PDIA4: variants seen among roughly 807,000 people sequenced by gnomAD.
The protein encoded by PDIA4 is protein disulfide isomerase family A member 4.
A neutral mutation model predicts 62.1 loss-of-function variants in PDIA4; 33 were observed. That is an observed-to-expected ratio of 0.53 (90% confidence interval 0.40 to 0.71). The LOEUF (loss-of-function observed/expected upper bound fraction) is 0.71. Among genes scored for constraint, PDIA4 ranks in the 30% least tolerant of loss-of-function variants. The pLI is 0.00. For missense variants in PDIA4, 804 were observed against 813.6 expected, an observed-to-expected ratio of 0.99 and a Z score of 0.14; for synonymous variants, 341 against 324.1, an observed-to-expected ratio of 1.05 and a Z score of -0.56.
At chr7:149,025,843 T>C (rs1010380030) in intron 1 of PDIA4, among the ~76,000 whole-genome samples, 10 of 152,152 alleles carry the variant, frequency 6.6e-5, no homozygotes, top group African/African-American at 2.2e-4. Context: ...CTACTTACTT[T>C]TAAATCTAAA....
chr7:149,025,085 A>AATATATATATATATATATATAT (rs869119727), intron 1 of PDIA4, among the ~76,000 whole-genome samples: 1 of 22,358 alleles, frequency 4.5e-5, no homozygotes, highest in African/African-American at 6.0e-5. Context: ...AAAAAAAAAA[A>AATATATATATATATATATATAT]ATATATATAT....
chr7:149,008,532 G>A (rs1823839258), intron 6 of PDIA4, among the ~76,000 whole-genome samples: 1 of 151,816 alleles, frequency 6.6e-6, no homozygotes, highest in African/African-American at 2.4e-5. Flanking sequence ...GTGAATCCCT[G>A]TCTCTACTAA....
intron 3 of PDIA4, among the ~76,000 whole-genome samples, chr7:149,017,054 C>T (rs912250843): frequency 1.2e-4 from 18 of 152,198 alleles, no homozygotes; most frequent in African/African-American, 4.3e-4. Context: ...TTACATCCAA[C>T]TGACACCATG....
chr7:149,006,096 C>T (rs1823749456), intron 7 of PDIA4, 43 bp from the exon 8 acceptor site: 1 of 1,527,268 alleles, frequency 6.5e-7, no homozygotes, highest in Non-Finnish European at 8.7e-7. Flanking sequence ...ACCATCTCCC[C>T]ACCATTGTTC....
At chr7:149,009,998 CAT>C (rs1823890749) in intron 6 of PDIA4, among the ~76,000 whole-genome samples, 1 of 152,164 alleles carries the variant, frequency 6.6e-6, no homozygotes, top group East Asian at 1.9e-4. Context: ...TTATAGGACA[CAT>C]GTGGCTGAGA....
At chr7:149,006,088 C>G (rs1173417842) in intron 7 of PDIA4, 35 bp from the exon 8 acceptor site, 1 of 1,531,300 alleles carries the variant, frequency 6.5e-7, no homozygotes, top group African/African-American at 1.4e-5. Flanking sequence ...GGGGGCCCAC[C>G]ATCTCCCCAC....
chr7:149,019,030 C>G lies in PDIA4; in HGVS notation c.437G>C (p.Gly146Ala), dbSNP rs1312673362. The G allele has an allele frequency of 6.2e-7, 1 of 1,613,558 alleles. No homozygotes were observed. The highest frequency in any genetic ancestry group is 8.5e-7 in the Non-Finnish European group (1 of 1,179,942). The stretch of plus-strand genomic sequence containing the variant: ...GGAGCCCTCGTAGTCTACAGCCTGC[C>G]CCTTCTTAAGGATCTTGATGGTGGG... ...GYPTIKILKK[G>A]QAVDYEGSRT... Residue 146 changes from glycine (G) to alanine (A), a missense_variant, in exon 3 of 10, where the codon GGG (glycine) becomes GCG (alanine). Physicochemically the swap from Gly to Ala is moderately conservative, Grantham distance 60 (BLOSUM62 0). Coordinates refer to ENST00000652332, the MANE Select transcript of PDIA4 (RefSeq NM_004911.5).
Position 149,005,170 on chromosome 7 carries a change from A to C in PDIA4, c.1493T>G (p.Leu498Arg), listed in dbSNP as rs1823701256. Residue 498 changes from leucine to arginine, a missense_variant, in exon 9 of 10, where the codon CTC (leucine) becomes CGC (arginine). Physicochemically the swap from Leu to Arg is moderately radical, Grantham distance 102. Coordinates refer to ENST00000652332, the MANE Select transcript of PDIA4 (RefSeq NM_004911.5). ...TTTGAAAGCAGTGACAAACTCGCGG[A>C]GGGTGTCAGAGTCAAACTCCTCTGG... ...MEPEEFDSDT[L>R]REFVTAFKKG... The C allele has an allele frequency of 1.2e-6, 2 of 1,613,888 alleles. No individual in the cohort carries two copies. Among genetic ancestry groups the C allele is most frequent in the Non-Finnish European group, 1.7e-6 (2 of 1,179,832 alleles).
chr7:149,007,489 C>A (rs1823802773), intron 7 of PDIA4, among the ~76,000 whole-genome samples: 1 of 152,182 alleles, frequency 6.6e-6, no homozygotes, highest in South Asian at 2.1e-4. Context: ...CTCTGTTAAA[C>A]CAAAGCTTCA....
In PDIA4 at chr7:149,027,952, T is replaced by A. The variant is rs147432154; in HGVS notation, c.88+369A>T. The A allele has an allele frequency of 4.6e-5, 23 of 504,350 alleles. No homozygotes were observed. The East Asian group carries it at 1.3e-3, about 29-fold the overall frequency. The allele number at this position is 504,350 out of a possible 1,614,324, so 31.2% of individuals were successfully genotyped here. On this transcript the variant is annotated intron_variant, in intron 1 of 9. Transcript: ENST00000652332. ...GCTCTCCCTCTCCCTTCCCACTGCC[T>A]GGGCGCGTTCGCCTGGAGTTAGCCT...
At chr7:149,015,115 A>T in intron 3 of PDIA4, 73 bp from the exon 4 acceptor site, 1 of 1,487,974 alleles carries the variant, frequency 6.7e-7, no homozygotes, top group Non-Finnish European at 9.3e-7. Flanking sequence ...CCAGAAGCAG[A>T]TGAGGAGGGG....
At chr7:149,014,867 G>C in intron 4 of PDIA4, 37 bp downstream of exon 4, 1 of 1,608,278 alleles carries the variant, frequency 6.2e-7, no homozygotes, top group Non-Finnish European at 8.5e-7. Context: ...GTGCCCACCA[G>C]GGTACTGAAT....
At chr7:149,015,156 C>T in intron 3 of PDIA4, 114 bp from the exon 4 acceptor site, 1 of 1,048,792 alleles carries the variant, frequency 9.5e-7, no homozygotes. Context: ...CCCACAAGAA[C>T]AGGAGGTGTC....
At chr7:149,015,292 A>C (rs1184768050) in intron 3 of PDIA4, among the ~76,000 whole-genome samples, 1 of 152,144 alleles carries the variant, frequency 6.6e-6, no homozygotes, top group African/African-American at 2.4e-5. Context: ...AGAGGGCCTA[A>C]GACTTACTGA....
rs1823655696 is a variant in PDIA4 at position 149,004,126 on chromosome 7, C to A, written c.1606G>T (p.Asp536Tyr). Residue 536 changes from aspartate (D) to tyrosine (Y), a missense_variant, in exon 10 of 10, where the codon GAC becomes TAC. Asp to Tyr is a radical substitution (Grantham distance 160, BLOSUM62 -3). Coordinates refer to ENST00000652332, the MANE Select transcript of PDIA4 (RefSeq NM_004911.5). ...PVKVVVGKTFDSIVMDPKKDV... is the reference protein window; with the variant it reads ...PVKVVVGKTFYSIVMDPKKDV... The stretch of plus-strand genomic sequence containing the variant: ...TTCTTGGGGTCCATCACAATGGAGT[C>A]AAAGGTCTTTCCCACCACGACCTTG... 3 of 1,614,008 alleles carry A rather than the reference C, an allele frequency of 1.9e-6. No homozygotes were observed. Among genetic ancestry groups the A allele is most frequent in the Non-Finnish European group, 2.5e-6 (3 of 1,179,994 alleles).
intron 1 of PDIA4, 39 bp downstream of exon 1, chr7:149,028,282 C>G (rs1489717004): frequency 7.6e-6 from 11 of 1,452,678 alleles, no homozygotes; most frequent in African/African-American, 2.9e-5. Flanking sequence ...CTGCAGCCCC[C>G]GCAAGCACAG....
In PDIA4 at chr7:149,015,083, C is replaced by A. The variant is rs772191166; in HGVS notation, c.476-41G>T. On this transcript the variant is annotated intron_variant, in intron 3 of 9. Coordinates refer to ENST00000652332, the MANE Select transcript of PDIA4 (RefSeq NM_004911.5). ...CAAGACTGAGCACACAAGGCCCAAA[C>A]TGGCAGGCACTTCACCTCCCTCCAG... The A allele has an allele frequency of 6.2e-6, 10 of 1,608,392 alleles. 1 individual carries two copies. In the South Asian group the frequency reaches 1.1e-4, roughly 18 times the overall value.
At chr7:149,027,480 A>C (rs921193410) in intron 1 of PDIA4, among the ~76,000 whole-genome samples, 56 of 152,354 alleles carry the variant, frequency 3.7e-4, no homozygotes, top group Non-Finnish European at 7.3e-4. Flanking sequence ...GAAGGTTAAA[A>C]AGCTAGTGAT....
chr7:149,019,426 AG>A (rs1383987224), intron 2 of PDIA4, among the ~76,000 whole-genome samples: 1 of 152,214 alleles, frequency 6.6e-6, no homozygotes, highest in Non-Finnish European at 1.5e-5. Flanking sequence ...GTAGTTTAAA[AG>A]AGCTTGACAT....
Sources: gnomAD v4.1 joint callset for allele counts (sites outside exome capture counted in the v4.1 genomes callset) on GRCh38, gnomAD v4.1.1 for gene constraint, MANE v1.5 for transcripts, NCBI Gene and HGNC (gene_info 2026-07-23, HGNC 2026-07-21) for gene names.